The following SHROOM3 variants were observed in gnomAD, a reference collection of about 807,000 sequenced individuals.
SHROOM3 encodes the protein shroom family member 3, also known as protein Shroom3.
Under a neutral mutation model 138.6 loss-of-function variants are expected in SHROOM3, and 47 were observed. The ratio of observed to expected loss-of-function variants is 0.34; its 90% confidence interval spans 0.27 to 0.43. SHROOM3 has a LOEUF of 0.43. Ranked by LOEUF, SHROOM3 falls within the 20% of genes least tolerant of loss-of-function variation. SHROOM3 has a pLI of 1.00. For missense variants in SHROOM3, 2,491 were observed against 2,596.5 expected (o/e 0.96, Z 0.88); for synonymous variants, 1,062 against 1,063.3 (o/e 1.00, Z 0.02).
chr4:76,572,424 G>T (rs191224532), intron 2 of SHROOM3, among the ~76,000 whole-genome samples: 1 of 152,274 alleles, frequency 6.6e-6, no homozygotes, highest in East Asian at 1.9e-4. Context: ...ATGTTCTGGG[G>T]CATCCTGAGG....
At chr4:76,760,434 A>G (rs1721953403) in intron 9 of SHROOM3, among the ~76,000 whole-genome samples, 1 of 152,186 alleles carries the variant, frequency 6.6e-6, no homozygotes, top group South Asian at 2.1e-4. Context: ...GCAGCTCTCT[A>G]TGCAGCTCAG....
At chr4:76,713,129 T>A (rs1481425695) in intron 3 of SHROOM3, among the ~76,000 whole-genome samples, 11 of 152,240 alleles carry the variant, frequency 7.2e-5, no homozygotes, top group Admixed American at 7.2e-4. Context: ...TGCACTGCTT[T>A]ACTGTACACT....
intron 2 of SHROOM3, among the ~76,000 whole-genome samples, chr4:76,698,037 C>G (rs770318800): frequency 2.0e-4 from 30 of 152,194 alleles, no homozygotes; most frequent in Non-Finnish European, 3.7e-4. Flanking sequence ...TAAACCATTA[C>G]TTTTCCACAA....
chr4:76,644,758 A>G (rs1041436746), intron 2 of SHROOM3, among the ~76,000 whole-genome samples: 26 of 152,282 alleles, frequency 1.7e-4, no homozygotes, highest in African/African-American at 6.0e-4. Flanking sequence ...GCATCATTTC[A>G]TCTGGATTCA....
At chr4:76,554,503 G>T (rs182838969) in intron 1 of SHROOM3, among the ~76,000 whole-genome samples, 2,244 of 148,908 alleles carry the variant, frequency 0.015, 47 homozygotes, top group African/African-American at 0.05. Flanking sequence ...CACTGCAAGC[G>T]TCGGCTCTTG....
chr4:76,451,319 T>C (rs1730921896), intron 1 of SHROOM3, among the ~76,000 whole-genome samples: 1 of 152,190 alleles, frequency 6.6e-6, no homozygotes, highest in African/African-American at 2.4e-5. Flanking sequence ...CTAAAGCATG[T>C]CACAGAGTCC....
intron 4 of SHROOM3, among the ~76,000 whole-genome samples, chr4:76,732,441 A>G (rs1720917042): frequency 6.6e-6 from 1 of 152,250 alleles, no homozygotes; most frequent in South Asian, 2.1e-4. Flanking sequence ...GGAATTGAAC[A>G]GGACAAACCT....
chr4:76,464,194 G>T (rs753821799), intron 1 of SHROOM3, among the ~76,000 whole-genome samples: 1 of 152,226 alleles, frequency 6.6e-6, no homozygotes, highest in Non-Finnish European at 1.5e-5. Context: ...AGCCACCTAA[G>T]GCCTTGAGAG....
intron 2 of SHROOM3, among the ~76,000 whole-genome samples, chr4:76,635,777 T>C (rs2110076686): frequency 6.6e-6 from 1 of 152,302 alleles, no homozygotes. Context: ...TCCTTCACCA[T>C]AGGAGCCACT....
chr4:76,504,035 A>G (rs1206254049), intron 1 of SHROOM3, among the ~76,000 whole-genome samples: 2 of 152,196 alleles, frequency 1.3e-5, no homozygotes, highest in Non-Finnish European at 2.9e-5. Flanking sequence ...ACAAACAAGG[A>G]CCTGAACCGA....
At chr4:76,702,751 G>C (rs368667156) in intron 2 of SHROOM3, among the ~76,000 whole-genome samples, 1 of 152,168 alleles carries the variant, frequency 6.6e-6, no homozygotes, top group Admixed American at 6.5e-5. Flanking sequence ...GAGAGCCCTT[G>C]GTTTTCTTAT....
chr4:76,559,785 C>T (rs894833358), intron 2 of SHROOM3, among the ~76,000 whole-genome samples: 7 of 152,090 alleles, frequency 4.6e-5, no homozygotes, highest in African/African-American at 1.7e-4. Context: ...GCTACAGTGA[C>T]AAGAAAAATG....
chr4:76,578,434 G>C (rs1358440892), intron 2 of SHROOM3, among the ~76,000 whole-genome samples: 1 of 152,198 alleles, frequency 6.6e-6, no homozygotes, highest in Non-Finnish European at 1.5e-5. Flanking sequence ...AGAGGTGTGT[G>C]AAAGCAGTAA....
At chr4:76,775,773 CAT>C (rs1187785457) in intron 10 of SHROOM3, among the ~76,000 whole-genome samples, 4 of 151,062 alleles carry the variant, frequency 2.6e-5, no homozygotes, top group African/African-American at 7.3e-5. Flanking sequence ...TATATGTGTA[CAT>C]ACACATATAT....
At chr4:76,766,888 A>AT (rs1722173808) in intron 9 of SHROOM3, among the ~76,000 whole-genome samples, 2 of 152,220 alleles carry the variant, frequency 1.3e-5, no homozygotes, top group South Asian at 4.1e-4. Flanking sequence ...GAGCCATGAG[A>AT]TATCACATTA....
chr4:76,547,186 G>T (rs941596439), intron 1 of SHROOM3, among the ~76,000 whole-genome samples: 1 of 152,322 alleles, frequency 6.6e-6, no homozygotes, highest in East Asian at 1.9e-4. Flanking sequence ...GGCACTTGAA[G>T]GATTAGGCAG....
At chr4:76,745,014 T>C (rs1302714739) in intron 5 of SHROOM3, among the ~76,000 whole-genome samples, 1 of 152,244 alleles carries the variant, frequency 6.6e-6, no homozygotes, top group East Asian at 1.9e-4. Flanking sequence ...GACCTTCTCA[T>C]GTATTTGGCA....
At position 76,470,879 on chromosome 4, in the gene SHROOM3, A is replaced by G. The variant is rs1731355591; in HGVS notation, c.168+34659A>G. Among the ~76,000 whole-genome samples the G allele has an allele frequency of 2.0e-5, 3 of 152,174 alleles. No homozygotes were observed. The South Asian group carries it at 6.2e-4, about 32-fold the overall frequency. On this transcript the variant is annotated intron_variant, in intron 1 of 10. Coordinates refer to ENST00000296043, the MANE Select transcript of SHROOM3 (RefSeq NM_020859.4). ...ATCTCTGTGTGCCATAAATGAGACA[A>G]ATACCCTGTGATCAGGTGACAGCTG...
chr4:76,578,709 G>A (rs1389423759), intron 2 of SHROOM3, among the ~76,000 whole-genome samples: 1 of 152,032 alleles, frequency 6.6e-6, no homozygotes, highest in Non-Finnish European at 1.5e-5. Context: ...TGTTAGAAAT[G>A]TTCTATATCA....
Sources: allele counts gnomAD v4.1 joint callset (sites outside exome capture counted in the v4.1 genomes callset), GRCh38; gene constraint gnomAD v4.1.1; transcripts MANE v1.5; gene names NCBI Gene and HGNC (gene_info 2026-07-23, HGNC 2026-07-21).